The following GPC6 variants were observed in gnomAD, a reference collection of about 807,000 sequenced individuals.
GPC6 encodes the protein glypican-6.
In GPC6, 14 loss-of-function variants were observed where a neutral mutation model predicts 55.2. That is an observed-to-expected ratio of 0.25 (90% confidence interval 0.17 to 0.40). The LOEUF is 0.40. GPC6 is among the 10% of genes least tolerant of loss of function. The pLI, the probability that GPC6 is intolerant of heterozygous loss-of-function variation, is 1.00. For synonymous variants in GPC6, 278 were observed against 259.6 expected, an observed-to-expected ratio of 1.07 and a Z score of -0.68; for missense variants, 641 against 708.5, an observed-to-expected ratio of 0.90 and a Z score of 1.08.
At position 93,912,263 on chromosome 13, in the gene GPC6, C is replaced by T. The variant is rs148838816; in HGVS notation, c.711+81718C>T. On this transcript the variant is annotated intron_variant, in intron 3 of 8. Coordinates refer to ENST00000377047, the MANE Select transcript of GPC6 (RefSeq NM_005708.5). ...TGGAATGTTTATATCCAAGCATTTA[C>T]ACATTGGCTTCTTTCAAAATTACTT... is the stretch of plus-strand genomic sequence containing the variant. Among the ~76,000 whole-genome samples, 21 of 152,318 alleles carry T rather than the reference C, an allele frequency of 1.4e-4. 1 individual carries two copies. The East Asian group carries it at 4.1e-3, about 29-fold the overall frequency.
At chr13:93,463,062 A>G (rs530978698) in intron 1 of GPC6, among the ~76,000 whole-genome samples, 28 of 152,278 alleles carry the variant, frequency 1.8e-4, no homozygotes, top group African/African-American at 5.5e-4. Context: ...TTGTGCTCCA[A>G]TTTCAGGTGC....
chr13:93,881,879 G>T lies in GPC6; in HGVS notation c.711+51334G>T, dbSNP rs530002120. 4.8e-4 allele frequency among the ~76,000 whole-genome samples: 73 copies of T among 152,062 alleles called. 1 individual carries two copies. Among genetic ancestry groups the T allele is most frequent in the Middle Eastern group, 3.4e-3 (1 of 294 alleles). ...TGATCTGCCATTTATTCTCTTATTT[G>T]TTCAACCCTAGGACACATACAATGT... On this transcript the variant is annotated intron_variant, in intron 3 of 8. Transcript: ENST00000377047.
intron 5 of GPC6, among the ~76,000 whole-genome samples, chr13:94,304,003 A>G (rs1166020544): frequency 6.6e-6 from 1 of 152,204 alleles, no homozygotes; most frequent in Non-Finnish European, 1.5e-5. Flanking sequence ...TACATTTTTT[A>G]AAAGTCAGCT....
At chr13:94,001,918 G>C (rs993153590) in intron 3 of GPC6, among the ~76,000 whole-genome samples, 9 of 152,072 alleles carry the variant, frequency 5.9e-5, no homozygotes, top group African/African-American at 2.2e-4. Flanking sequence ...GCATTGGAGT[G>C]AACTGTTGGA....
At chr13:93,434,059 CA>C (rs1374818009) in intron 1 of GPC6, among the ~76,000 whole-genome samples, 1 of 152,112 alleles carries the variant, frequency 6.6e-6, no homozygotes, top group African/African-American at 2.4e-5. Flanking sequence ...TGAAGGGGTC[CA>C]AAGCATATTC....
At chr13:93,658,880 C>T (rs961323968) in intron 2 of GPC6, among the ~76,000 whole-genome samples, 2 of 151,636 alleles carry the variant, frequency 1.3e-5, no homozygotes, top group Non-Finnish European at 1.5e-5. Flanking sequence ...CAGCATTATA[C>T]GAGACTCATA....
intron 1 of GPC6, among the ~76,000 whole-genome samples, chr13:93,479,617 C>G (rs1315207759): frequency 6.9e-6 from 1 of 145,498 alleles, no homozygotes; most frequent in Non-Finnish European, 1.5e-5. Flanking sequence ...GACCCCCCCC[C>G]ATCTCTACTA....
In GPC6 at chr13:93,835,462, C is replaced by T. The variant is rs537052490; in HGVS notation, c.711+4917C>T. Among the ~76,000 whole-genome samples, 70 of 151,932 alleles carry T rather than the reference C, an allele frequency of 4.6e-4. 1 individual carries two copies. The highest frequency in any genetic ancestry group is 1.3e-3 in the African/African-American group (54 of 41,472). On this transcript the variant is annotated intron_variant, in intron 3 of 8. Coordinates refer to ENST00000377047, the MANE Select transcript of GPC6 (RefSeq NM_005708.5). ...AGAGCCAGACCCTGTCTCAAAAAAA[C>T]GTGACTTCTGGCCAGGCGCAGGGCT... is the stretch of plus-strand genomic sequence containing the variant.
At chr13:93,953,135 C>G (rs1464683724) in intron 3 of GPC6, among the ~76,000 whole-genome samples, 1 of 151,892 alleles carries the variant, frequency 6.6e-6, no homozygotes, top group Admixed American at 6.6e-5. Context: ...GCCACCTTCC[C>G]TCGTGGTTTT....
chr13:93,685,248 G>A (rs1165544539), intron 2 of GPC6, among the ~76,000 whole-genome samples: 1 of 152,198 alleles, frequency 6.6e-6, no homozygotes, highest in East Asian at 1.9e-4. Context: ...GAGCCAGGAA[G>A]CTTTGGCTGT....
At chr13:94,402,176 TCTCA>T (rs1294763379) in intron 8 of GPC6, among the ~76,000 whole-genome samples, 2 of 152,214 alleles carry the variant, frequency 1.3e-5, no homozygotes, top group Non-Finnish European at 2.9e-5. Flanking sequence ...GATAGAGACC[TCTCA>T]CTACTATTGC....
intron 4 of GPC6, among the ~76,000 whole-genome samples, chr13:94,093,755 C>T (rs1274696336): frequency 6.6e-6 from 1 of 152,012 alleles, no homozygotes; most frequent in Admixed American, 6.6e-5. Context: ...CACTTGCTTT[C>T]AGGATGCAGA....
At chr13:94,128,739 T>G (rs1037013761) in intron 4 of GPC6, among the ~76,000 whole-genome samples, 1 of 152,160 alleles carries the variant, frequency 6.6e-6, no homozygotes, top group Non-Finnish European at 1.5e-5. Context: ...ACTGGAAAGA[T>G]CTGGCAAACA....
intron 2 of GPC6, among the ~76,000 whole-genome samples, chr13:93,814,827 TTGA>T (rs1333924648): frequency 6.6e-6 from 1 of 152,206 alleles, no homozygotes; most frequent in Non-Finnish European, 1.5e-5. Context: ...ATGTCTGCTC[TTGA>T]TGATAACTGA....
intron 4 of GPC6, among the ~76,000 whole-genome samples, chr13:94,198,471 A>G (rs1889650547): frequency 1.3e-5 from 2 of 152,234 alleles, no homozygotes. Context: ...AGTAATGAAA[A>G]TAAGGTCAAA....
rs1427854259 is a variant in GPC6 at position 94,405,143 on chromosome 13, G to A, written c.*1926G>A. 1.3e-5 allele frequency: 2 copies of A among 152,186 alleles called. No homozygotes were observed. The highest frequency in any genetic ancestry group is 2.9e-5 in the Non-Finnish European group (2 of 68,016). The allele number at this position is 152,186 out of a possible 1,614,324, so 9.4% of individuals were successfully genotyped here. A position where few individuals can be genotyped will look rare whatever the true frequency, so the allele number is the denominator to read the frequency against. ...TAAGTATATTTGAGCACTTTTGCAA[G>A]ACAGAAAGTATTTACAAGCATCTAT... On this transcript the variant is annotated 3_prime_UTR_variant, in exon 9 of 9. Transcript: ENST00000377047.
At chr13:94,008,244 A>C (rs1882098883) in intron 3 of GPC6, among the ~76,000 whole-genome samples, 1 of 152,212 alleles carries the variant, frequency 6.6e-6, no homozygotes, top group African/African-American at 2.4e-5. Context: ...CTTCAGAAGT[A>C]ATCAAAATTT....
At chr13:93,926,778 A>G (rs1877880328) in intron 3 of GPC6, among the ~76,000 whole-genome samples, 1 of 122,792 alleles carries the variant, frequency 8.1e-6, no homozygotes, top group Non-Finnish European at 1.7e-5. Context: ...TAAGAAAGTC[A>G]ATTATTTTAG....
chr13:94,373,966 G>GGCTCTC (rs1218685817), intron 6 of GPC6, among the ~76,000 whole-genome samples: 2 of 152,082 alleles, frequency 1.3e-5, no homozygotes, highest in African/African-American at 4.8e-5. Flanking sequence ...GCCAAACTAA[G>GGCTCTC]CTTCATAAGT....
Sources: allele counts gnomAD v4.1 joint callset (sites outside exome capture counted in the v4.1 genomes callset), GRCh38; gene constraint gnomAD v4.1.1; transcripts MANE v1.5; gene names NCBI Gene and HGNC (gene_info 2026-07-23, HGNC 2026-07-21).